Variants in BUB1B observed in about 807,000 individuals in gnomAD.
The protein encoded by BUB1B is mitotic checkpoint serine/threonine-protein kinase BUB1 beta.
A neutral mutation model predicts 137.7 loss-of-function variants in BUB1B; 86 were observed. That is an observed-to-expected ratio of 0.62 (90% CI 0.52 to 0.75). BUB1B has a LOEUF of 0.75. Ranked by LOEUF, BUB1B falls within the 30% of genes least tolerant of loss-of-function variation. The pLI is 0.00. For missense variants in BUB1B, 1,130 were observed against 1,236.9 expected (o/e 0.91, Z 1.30); for synonymous variants, 420 against 417.9 (o/e 1.00, Z -0.06).
At chr15:40,165,722 TA>T (rs1177091493) in intron 2 of BUB1B, among the ~76,000 whole-genome samples, 5 of 151,366 alleles carry the variant, frequency 3.3e-5, no homozygotes, top group Non-Finnish European at 5.9e-5. Flanking sequence ...ATATGCTTTT[TA>T]AAAAAAAAGG....
chr15:40,189,392 T>A (rs752177819), intron 8 of BUB1B, among the ~76,000 whole-genome samples: 36 of 152,216 alleles, frequency 2.4e-4, no homozygotes, highest in South Asian at 8.3e-4. Context: ...ACTCCTGACC[T>A]CAAGTGGTCC....
At chr15:40,171,696 T>G (rs1057043550) in intron 4 of BUB1B, among the ~76,000 whole-genome samples, 3 of 152,182 alleles carry the variant, frequency 2.0e-5, no homozygotes, top group Non-Finnish European at 4.4e-5. Flanking sequence ...TTTATGAAAG[T>G]CATCAACACA....
chr15:40,183,911 A>C, intron 6 of BUB1B, 28 bp downstream of exon 6: 1 of 1,610,032 alleles, frequency 6.2e-7, no homozygotes, highest in Non-Finnish European at 8.5e-7. Context: ...TATTTCGGAA[A>C]ACTGTTAGTT....
At chr15:40,175,923 T>C (rs905899512) in intron 4 of BUB1B, among the ~76,000 whole-genome samples, 5 of 152,108 alleles carry the variant, frequency 3.3e-5, no homozygotes, top group Non-Finnish European at 5.9e-5. Context: ...AGGGCTAAGC[T>C]CAAATGTTAA....
chr15:40,186,442 T>TTTC (rs1191222735), intron 8 of BUB1B, among the ~76,000 whole-genome samples: 2 of 131,786 alleles, frequency 1.5e-5, no homozygotes, highest in African/African-American at 5.9e-5. Context: ...TTTTTTTTTT[T>TTTC]TTTTTTTTTT....
At chr15:40,214,767 A>G (rs2037754160) in intron 20 of BUB1B, among the ~76,000 whole-genome samples, 2 of 152,152 alleles carry the variant, frequency 1.3e-5, no homozygotes, top group Non-Finnish European at 2.9e-5. Flanking sequence ...CACCATAGGT[A>G]TTTTGGGTGA....
intron 9 of BUB1B, 55 bp downstream of exon 9, chr15:40,196,829 G>C (rs1444367397): frequency 2.0e-6 from 3 of 1,511,244 alleles, no homozygotes; most frequent in Non-Finnish European, 2.8e-6. Flanking sequence ...TGAAGGTTGA[G>C]CTGACCTATT....
intron 2 of BUB1B, among the ~76,000 whole-genome samples, chr15:40,167,778 ATTT>A (rs35026977): frequency 6.8e-6 from 1 of 147,974 alleles, no homozygotes; most frequent in Non-Finnish European, 1.5e-5. Flanking sequence ...CATTTGTTAG[ATTT>A]TTTTTTTTCC....
At chr15:40,202,377 A>C in intron 12 of BUB1B, 28 bp from the exon 13 acceptor site, 1 of 1,555,554 alleles carries the variant, frequency 6.4e-7, no homozygotes, top group Non-Finnish European at 8.9e-7. Context: ...TTACTCCTAG[A>C]GTATGTATCT....
Position 40,213,454 on chromosome 15 carries a change from G to T in BUB1B, c.2658G>T (p.Arg886Ser), listed in dbSNP as rs146821149. The T allele has an allele frequency of 4.3e-6, 7 of 1,614,106 alleles. No homozygotes were observed. The East Asian group carries it at 8.9e-5, about 21-fold the overall frequency. Residue 886 changes from arginine (R) to serine (S), a missense_variant, in exon 20 of 23, where the codon AGG becomes AGT. Physicochemically the swap from Arg to Ser is moderately radical, Grantham distance 110. Transcript: ENST00000287598. Reference sequence around the variant, plus strand: ...TAGTCCATGGTGACTTGAGTCCAAGGTGTCTGATTCTCAGAAACAGGTTGG... The same window carrying T: ...TAGTCCATGGTGACTTGAGTCCAAGTTGTCTGATTCTCAGAAACAGGTTGG... The part of the protein sequence containing the change: ...AEIVHGDLSP[R>S]CLILRNRIHD...
chr15:40,175,261 A>G (rs2037211892), intron 4 of BUB1B, among the ~76,000 whole-genome samples: 1 of 152,208 alleles, frequency 6.6e-6, no homozygotes, highest in South Asian at 2.1e-4. Context: ...TAGATGAACA[A>G]TTAAATTATG....
chr15:40,211,404 A>G (rs1008161883), intron 18 of BUB1B, among the ~76,000 whole-genome samples: 2 of 152,066 alleles, frequency 1.3e-5, no homozygotes, highest in African/African-American at 4.8e-5. Flanking sequence ...GTGGACCTCA[A>G]TGTAGGATGA....
chr15:40,184,653 C>T (rs1046806561), intron 6 of BUB1B, among the ~76,000 whole-genome samples: 1 of 151,812 alleles, frequency 6.6e-6, no homozygotes, highest in Non-Finnish European at 1.5e-5. Context: ...CTTGGTGGTT[C>T]TAGAATTAGG....
chr15:40,182,789 T>G (rs148429809), intron 5 of BUB1B, among the ~76,000 whole-genome samples: 1 of 152,278 alleles, frequency 6.6e-6, no homozygotes, highest in African/African-American at 2.4e-5. Flanking sequence ...AGATGGGGTT[T>G]CTCTGAGTTT....
chr15:40,182,020 A>G (rs557143960), intron 5 of BUB1B, among the ~76,000 whole-genome samples: 3 of 152,320 alleles, frequency 2.0e-5, no homozygotes, highest in African/African-American at 7.2e-5. Flanking sequence ...CCTGGCCAAT[A>G]TGGTGAAACT....
At chr15:40,165,380 A>C (rs942862646) in intron 2 of BUB1B, among the ~76,000 whole-genome samples, 184 bp downstream of exon 2, 19 of 152,250 alleles carry the variant, frequency 1.2e-4, no homozygotes, top group African/African-American at 4.3e-4. Context: ...GGTATAATTA[A>C]GAACAAGGGC....
At chr15:40,163,778 G>A (rs1053923484) in intron 1 of BUB1B, among the ~76,000 whole-genome samples, 2 of 152,174 alleles carry the variant, frequency 1.3e-5, no homozygotes, top group African/African-American at 2.4e-5. Flanking sequence ...TATGCCATAG[G>A]AACTTAACTT....
intron 2 of BUB1B, among the ~76,000 whole-genome samples, chr15:40,167,609 G>A (rs1019836326): frequency 6.6e-6 from 1 of 152,136 alleles, no homozygotes; most frequent in Non-Finnish European, 1.5e-5. Context: ...CCAGAGTGCT[G>A]GGATTACGGG....
In BUB1B at chr15:40,170,645, T is replaced by C. The variant is rs28989189; in HGVS notation, c.348T>C (p.Tyr116=). ...CACTACAAGGAGAAAAACGATATTATAGTGATCCTCGATTTCTCAATCTCT... is the reference window on the plus strand; with the variant it reads ...CACTACAAGGAGAAAAACGATATTACAGTGATCCTCGATTTCTCAATCTCT... The part of the protein sequence containing the change: ...VEALQGEKRY[Y]SDPRFLNLWL... The change falls in exon 4 of 23, where the codon TAT becomes TAC. Residue 116 remains tyrosine, a synonymous_variant. Transcript: ENST00000287598. The C allele has an allele frequency of 9.3e-3, 15,045 of 1,613,708 alleles. 114 individuals carry two copies. Among genetic ancestry groups the C allele is most frequent in the Middle Eastern group, 0.015 (88 of 6,056 alleles).
Sources: gnomAD v4.1 joint callset for allele counts (sites outside exome capture counted in the v4.1 genomes callset) on GRCh38, gnomAD v4.1.1 for gene constraint, MANE v1.5 for transcripts, NCBI Gene and HGNC (gene_info 2026-07-23, HGNC 2026-07-21) for gene names.